Variants in ATF3 observed in about 807,000 individuals in gnomAD.
ATF3 encodes cyclic AMP-dependent transcription factor ATF-3.
Under a neutral mutation model 18.4 loss-of-function variants are expected in ATF3, and 10 were observed. That is an observed-to-expected ratio of 0.54 (90% confidence interval 0.34 to 0.92). ATF3 has a LOEUF of 0.92. ATF3 is among the 40% of genes least tolerant of loss of function. The probability of loss-of-function intolerance (pLI) is 0.02; values close to 1 mark genes in which losing one functional copy is unlikely to be tolerated. For synonymous variants in ATF3, 78 were observed against 87.9 expected, an observed-to-expected ratio of 0.89 and a Z score of 0.63; for missense variants, 183 against 222.3, an observed-to-expected ratio of 0.82 and a Z score of 1.12.
rs1052290936 is a variant in ATF3, at chr1:212,619,009, A to G, written c.349-349A>G. The G allele has an allele frequency of 2.5e-6, 4 of 1,613,710 alleles. No individual in the cohort carries two copies. In the Middle Eastern group the frequency reaches 4.9e-4, roughly 199 times the overall value. On this transcript the variant is annotated intron_variant, in intron 3 of 3. Transcript: ENST00000341491. This position sits in a 1 kb window ranked among gnomAD's most constrained non-coding sequence, Gnocchi z 4.4. ...TTCTCATTGAGATCTGTGACTCAGA[A>G]TCGACTAAGCCACCATAAGTCTGGA...
intron 1 of ATF3, among the ~76,000 whole-genome samples, chr1:212,595,870 C>T (rs1664983123): frequency 6.6e-6 from 1 of 152,196 alleles, no homozygotes; most frequent in African/African-American, 2.4e-5. Context: ...ATATTACCTA[C>T]ACAAGGAAGT....
intron 2 of ATF3, among the ~76,000 whole-genome samples, chr1:212,616,266 A>G (rs1044432331): frequency 6.6e-6 from 1 of 151,716 alleles, no homozygotes; most frequent in Non-Finnish European, 1.5e-5. Context: ...AAGCAACAAG[A>G]TTCAACACAC....
intron 1 of ATF3, among the ~76,000 whole-genome samples, chr1:212,579,006 CTTT>C (rs10565752): frequency 0.065 from 5,474 of 84,582 alleles, 97 homozygotes; most frequent in Middle Eastern, 0.13. Flanking sequence ...TCTCTGGAGA[CTTT>C]TTTTTTTTTT....
At chr1:212,607,552 T>G (rs1571780987), upstream of ATF3, among the ~76,000 whole-genome samples, 4 of 152,310 alleles carry the variant, frequency 2.6e-5, no homozygotes, top group South Asian at 8.3e-4. Flanking sequence ...GCCCCGCCTT[T>G]CCCGCCACCC....
At chr1:212,582,897 G>A (rs1664709926) in intron 1 of ATF3, among the ~76,000 whole-genome samples, 1 of 152,036 alleles carries the variant, frequency 6.6e-6, no homozygotes, top group South Asian at 2.1e-4. Flanking sequence ...CAGAGGCTCA[G>A]AGAAGTCAAG....
At chr1:212,578,886 A>T (rs1664629444) in intron 1 of ATF3, among the ~76,000 whole-genome samples, 3 of 151,820 alleles carry the variant, frequency 2.0e-5, no homozygotes, top group Non-Finnish European at 4.4e-5. Context: ...CTCAGTGACG[A>T]TAGGGACAGA....
intron 1 of ATF3, among the ~76,000 whole-genome samples, chr1:212,566,365 G>A (rs140838204): frequency 0.014 from 2,063 of 152,226 alleles, 21 homozygotes; most frequent in Non-Finnish European, 0.019. Context: ...TTTGCTGTGC[G>A]ACCTTGGACA....
intron 1 of ATF3, among the ~76,000 whole-genome samples, chr1:212,577,019 C>A (rs1016394474): frequency 3.9e-5 from 6 of 152,098 alleles, no homozygotes; most frequent in African/African-American, 1.2e-4. Flanking sequence ...GCGTGAGCCA[C>A]CGAGCCCGGC....
intron 1 of ATF3, among the ~76,000 whole-genome samples, chr1:212,576,796 C>T (rs1384052334): frequency 8.3e-6 from 1 of 119,996 alleles, no homozygotes; most frequent in Admixed American, 1.2e-4. Context: ...GGTGTGATCT[C>T]GGCTCACTGC....
rs896252315 is a variant in ATF3, at chr1:212,591,223, G to A, written c.-4-23795G>A. Among the ~76,000 whole-genome samples the A allele has an allele frequency of 3.3e-5, 5 of 152,242 alleles. No homozygotes were observed. In the East Asian group the frequency reaches 7.7e-4, roughly 24 times the overall value. Reference sequence around the variant, plus strand: ...ATGTGTTAAGACCCATCTTCCTAACGGAGCCTCCTGCACCGCAGTCTCCCC... The same window carrying A: ...ATGTGTTAAGACCCATCTTCCTAACAGAGCCTCCTGCACCGCAGTCTCCCC... On this transcript the variant is annotated intron_variant, in intron 1 of 3. Coordinates refer to the ATF3 transcript ENST00000366981.
chr1:212,610,558 C>G (rs577471891), intron 1 of ATF3, among the ~76,000 whole-genome samples: 5 of 152,166 alleles, frequency 3.3e-5, no homozygotes, highest in African/African-American at 1.2e-4. Flanking sequence ...ACCCCACGCC[C>G]GCAGTGGGGA....
intron 1 of ATF3, among the ~76,000 whole-genome samples, chr1:212,576,110 C>T (rs976164658): frequency 1.3e-5 from 2 of 152,066 alleles, no homozygotes; most frequent in Admixed American, 1.3e-4. Context: ...GATGGAAGAA[C>T]TTTTGATTAA....
At chr1:212,610,684 A>G (rs1654859020) in intron 1 of ATF3, among the ~76,000 whole-genome samples, 1 of 152,130 alleles carries the variant, frequency 6.6e-6, no homozygotes, top group South Asian at 2.1e-4. Flanking sequence ...GTTTTCTTCG[A>G]TAGCCCCTCC....
chr1:212,597,404 C>A (rs1226647613), intron 1 of ATF3, among the ~76,000 whole-genome samples: 1 of 131,966 alleles, frequency 7.6e-6, no homozygotes, highest in East Asian at 3.2e-4. Flanking sequence ...ATTCTGGGTA[C>A]TGAGTTACAT....
rs377101917 is a variant in ATF3, at chr1:212,612,081, G to A, written c.-4-2937G>A. Reference sequence around the variant, plus strand: ...GAGAGACTGAGTAAAGGAATAACTAGAAAGTATCCCGAGAAGTTAAGCTTT... The same window carrying A: ...GAGAGACTGAGTAAAGGAATAACTAAAAAGTATCCCGAGAAGTTAAGCTTT... On this transcript the variant is annotated intron_variant, in intron 1 of 3. Transcript: ENST00000341491. 1.2e-4 allele frequency among the ~76,000 whole-genome samples: 18 copies of A among 152,310 alleles called. 1 individual carries two copies. In the East Asian group the frequency reaches 2.9e-3, roughly 24 times the overall value.
At chr1:212,581,216 G>A (rs1664678167) in intron 1 of ATF3, among the ~76,000 whole-genome samples, 1 of 152,184 alleles carries the variant, frequency 6.6e-6, no homozygotes, top group South Asian at 2.1e-4. Flanking sequence ...CTAAGGGCTG[G>A]CGCGTGCGCA....
chr1:212,609,652 G>A (rs891429614), intron 1 of ATF3, among the ~76,000 whole-genome samples: 1 of 152,230 alleles, frequency 6.6e-6, no homozygotes, highest in Non-Finnish European at 1.5e-5. Context: ...GCTGGTGTCC[G>A]GACCCCGAGC....
At chr1:212,581,553 T>C (rs1012871290) in intron 1 of ATF3, among the ~76,000 whole-genome samples, 1 of 152,194 alleles carries the variant, frequency 6.6e-6, no homozygotes, top group African/African-American at 2.4e-5. Context: ...AAACTGTTTG[T>C]GGTTCCTTAG....
At chr1:212,567,178 GC>G (rs1664397759) in intron 1 of ATF3, among the ~76,000 whole-genome samples, 1 of 149,564 alleles carries the variant, frequency 6.7e-6, no homozygotes, top group East Asian at 2.0e-4. Context: ...TTTTTTTGAA[GC>G]CCCAGGCACT....
Sources: allele counts gnomAD v4.1 joint callset (sites outside exome capture counted in the v4.1 genomes callset), GRCh38; gene constraint gnomAD v4.1.1; non-coding constraint Gnocchi (gnomAD v3.1); transcripts MANE v1.5; gene names NCBI Gene and HGNC (gene_info 2026-07-23, HGNC 2026-07-21).